Variants in ABHD5 observed in about 807,000 individuals in gnomAD.
ABHD5 encodes abhydrolase domain containing 5, lysophosphatidic acid acyltransferase.
In ABHD5, 30 loss-of-function variants were observed where a neutral mutation model predicts 44.9. The observed-to-expected ratio is 0.67, with a 90% CI of 0.50 to 0.91. The LOEUF is 0.91. Ranked by LOEUF, ABHD5 falls within the 40% of genes least tolerant of loss-of-function variation. ABHD5 has a pLI of 0.00. For missense variants in ABHD5, 399 were observed against 423.4 expected, an observed-to-expected ratio of 0.94 and a Z score of 0.50; for synonymous variants, 167 against 147.0, an observed-to-expected ratio of 1.14 and a Z score of -0.99.
intron 7 of ABHD5, among the ~76,000 whole-genome samples, chr3:43,731,468 C>T (rs539186681): frequency 7.2e-5 from 11 of 152,286 alleles, no homozygotes; most frequent in African/African-American, 2.6e-4. Flanking sequence ...TGCAAACACT[C>T]AGACAACACT....
At chr3:43,699,467 G>A (rs765004248) in intron 2 of ABHD5, 106 bp downstream of exon 2, 113 of 1,109,218 alleles carry the variant, frequency 1.0e-4, no homozygotes, top group Non-Finnish European at 1.4e-4. Flanking sequence ...GTTCATTGTT[G>A]GCAAAATAAC....
At chr3:43,699,587 TAAGGACCCC>T in intron 2 of ABHD5, 1 of 504,116 alleles carries the variant, frequency 2.0e-6, no homozygotes, top group South Asian at 2.2e-5. Flanking sequence ...CTTAAATTAG[TAAGGACCCC>T]AAGGAGATTT....
In ABHD5 at chr3:43,720,160, A is replaced by G. The variant is rs912646161; in HGVS notation, c.*1628A>G. The G allele has an allele frequency of 3.9e-5, 6 of 152,242 alleles. No individual in the cohort carries two copies. The highest frequency in any genetic ancestry group is 9.6e-5 in the African/African-American group (4 of 41,468). The allele number at this position is 152,242 out of a possible 1,614,324, so 9.4% of individuals were successfully genotyped here. A position where few individuals can be genotyped will look rare whatever the true frequency, so the allele number is the denominator to read the frequency against. Reference sequence around the variant, plus strand: ...GTCTGATTTCTCTACCTTAAGAACAATAATAGTCTTTTTAGTTAGTATTTT... The same window carrying G: ...GTCTGATTTCTCTACCTTAAGAACAGTAATAGTCTTTTTAGTTAGTATTTT... On this transcript the variant is annotated 3_prime_UTR_variant, in exon 7 of 7. Coordinates refer to ENST00000644371, the MANE Select transcript of ABHD5 (RefSeq NM_016006.6).
intron 7 of ABHD5, among the ~76,000 whole-genome samples, chr3:43,732,311 T>A (rs1396022929): frequency 6.6e-6 from 1 of 152,100 alleles, no homozygotes; most frequent in African/African-American, 2.4e-5. Context: ...GTGCCTGTAA[T>A]TCCAGCTACT....
At position 43,697,502 on chromosome 3, in the gene ABHD5, A is replaced by G. The variant is rs371043614; in HGVS notation, c.48-1774A>G. Among the ~76,000 whole-genome samples, 14 of 152,296 alleles carry G rather than the reference A, an allele frequency of 9.2e-5. No homozygotes were observed. The East Asian group carries it at 2.1e-3, about 23-fold the overall frequency. On this transcript the variant is annotated intron_variant, in intron 1 of 6. Coordinates refer to ENST00000644371, the MANE Select transcript of ABHD5 (RefSeq NM_016006.6). ...ATATAGACCTAATGGCTGGTCAAGG[A>G]CAAAAGAGCTTCACCTTTAACCTCT...
chr3:43,694,930 C>G (rs530696452), intron 1 of ABHD5: 1 of 152,346 alleles, frequency 6.6e-6, no homozygotes, highest in Non-Finnish European at 1.5e-5. Context: ...GTCACCCAGG[C>G]TGGAGTGCAG....
At chr3:43,733,364 C>T (rs1697275530) in intron 7 of ABHD5, among the ~76,000 whole-genome samples, 1 of 152,222 alleles carries the variant, frequency 6.6e-6, no homozygotes, top group South Asian at 2.1e-4. Context: ...TACCTGGTGT[C>T]AGGTGCTCTC....
At chr3:43,693,832 T>G (rs2084434603) in intron 1 of ABHD5, among the ~76,000 whole-genome samples, 1 of 152,004 alleles carries the variant, frequency 6.6e-6, no homozygotes, top group Admixed American at 6.6e-5. Context: ...TCATCTTGTT[T>G]ACTCAAACGT....
rs10544015 is a variant in ABHD5, at chr3:43,715,152, CTATT to C, written c.773+111_773+114del. The C allele has an allele frequency of 0.011, 9,444 of 871,872 alleles. 156 individuals are homozygous for C. Among genetic ancestry groups the C allele is most frequent in the African/African-American group, 0.055 (3,103 of 55,980 alleles). 54.0% of individuals were successfully genotyped at this position (871,872 alleles called of 1,614,324 possible). A position where few individuals can be genotyped will look rare whatever the true frequency, so the allele number is the denominator to read the frequency against. ...GTGTTTTAGACTATTTTTTTTAAAA[CTATT>C]TATTTATTTATTTATTCATTCAATA... On this transcript the variant is annotated intron_variant, in intron 5 of 6. Transcript: ENST00000644371.
At chr3:43,697,782 G>C (rs758523294) in intron 1 of ABHD5, among the ~76,000 whole-genome samples, 72 of 152,196 alleles carry the variant, frequency 4.7e-4, no homozygotes, top group Non-Finnish European at 9.3e-4. Context: ...GACTTATCCT[G>C]TAGGTAATGG....
chr3:43,704,562 C>A lies in ABHD5; in HGVS notation c.506+1975C>A, dbSNP rs998588167. 4.6e-5 allele frequency among the ~76,000 whole-genome samples: 7 copies of A among 152,172 alleles called. 1 individual carries two copies. The highest frequency in any genetic ancestry group is 3.9e-4 in the Admixed American group (6 of 15,278). On this transcript the variant is annotated intron_variant, in intron 3 of 6. Coordinates refer to ENST00000644371, the MANE Select transcript of ABHD5 (RefSeq NM_016006.6). Reference sequence around the variant, plus strand: ...GGAACTCTGCAGGCTAGACCTTGGTCATTAAACCCTAAGTCTTAGAATCCT... The same window carrying A: ...GGAACTCTGCAGGCTAGACCTTGGTAATTAAACCCTAAGTCTTAGAATCCT...
chr3:43,709,926 C>G (rs1209092448), intron 3 of ABHD5, among the ~76,000 whole-genome samples: 1 of 152,002 alleles, frequency 6.6e-6, no homozygotes, highest in East Asian at 1.9e-4. Context: ...GCCTGTAATC[C>G]CAGCTACTCA....
downstream of ABHD5, among the ~76,000 whole-genome samples, chr3:43,726,342 A>T (rs2084877847): frequency 6.6e-6 from 1 of 152,158 alleles, no homozygotes; most frequent in Non-Finnish European, 1.5e-5. Flanking sequence ...TTTAACATAT[A>T]TCTGTTCAAG....
Position 43,715,002 on chromosome 3 carries a change from G to A in ABHD5, c.717G>A (p.Met239Ile). 6.2e-7 allele frequency: 1 copy of A among 1,613,204 alleles called. No individual in the cohort carries two copies. Among genetic ancestry groups the A allele is most frequent in the Non-Finnish European group, 8.5e-7 (1 of 1,179,630 alleles). ...RPDFKRKYSS[M>I]FEDDTVTEYI... ...ATTTCAAACGAAAGTATTCTTCAAT[G>A]TTCGAAGACGATACTGTGACAGAAT... The change falls in exon 5 of 7, where the codon ATG (methionine) becomes ATA (isoleucine). Residue 239 changes from methionine (M) to isoleucine (I), a missense_variant. By Grantham distance (10) the Met-to-Ile change is conservative. Coordinates refer to ENST00000644371, the MANE Select transcript of ABHD5 (RefSeq NM_016006.6).
chr3:43,727,718 C>T (rs1419012681), downstream of ABHD5, among the ~76,000 whole-genome samples: 3 of 152,224 alleles, frequency 2.0e-5, no homozygotes, highest in African/African-American at 4.8e-5. Context: ...AAGCAGTTCT[C>T]CTGCTTCCGC....
chr3:43,711,630 T>G, intron 3 of ABHD5, 79 bp from the exon 4 acceptor site: 1 of 1,544,952 alleles, frequency 6.5e-7, no homozygotes, highest in Non-Finnish European at 8.9e-7. Context: ...TCTACCTTTA[T>G]TTTATAAATC....
chr3:43,713,277 C>T lies in ABHD5; in HGVS notation c.661+1414C>T, dbSNP rs965117200. 7.5e-5 allele frequency among the ~76,000 whole-genome samples: 11 copies of T among 146,032 alleles called. 1 individual carries two copies. Among genetic ancestry groups the T allele is most frequent in the Admixed American group, 6.2e-4 (9 of 14,430 alleles). On this transcript the variant is annotated intron_variant, in intron 4 of 6. Transcript: ENST00000644371. ...GGTGGAGGTTGTGGCGAGCCAAGAT[C>T]GCACCACTATTCTCCAGCCTGGGCA... is the stretch of plus-strand genomic sequence containing the variant.
intron 1 of ABHD5, among the ~76,000 whole-genome samples, chr3:43,696,387 A>C (rs1487350359): frequency 6.6e-6 from 1 of 152,224 alleles, no homozygotes; most frequent in Non-Finnish European, 1.5e-5. Flanking sequence ...CCTCAGAAGA[A>C]TGGCAGAATA....
chr3:43,694,046 G>A (rs774688014), intron 1 of ABHD5, among the ~76,000 whole-genome samples: 1 of 136,492 alleles, frequency 7.3e-6, no homozygotes, highest in Non-Finnish European at 1.5e-5. Flanking sequence ...CGTGGTTCAC[G>A]CCTGTAATCC....
Sources: allele counts gnomAD v4.1 joint callset (sites outside exome capture counted in the v4.1 genomes callset), GRCh38; gene constraint gnomAD v4.1.1; transcripts MANE v1.5; gene names NCBI Gene and HGNC (gene_info 2026-07-23, HGNC 2026-07-21).